KIAA0930: variants seen among roughly 807,000 people sequenced by gnomAD.
KIAA0930 encodes uncharacterized protein KIAA0930.
In KIAA0930, 24 loss-of-function variants were observed where a neutral mutation model predicts 43.9. That is an observed-to-expected ratio of 0.55 (90% confidence interval 0.40 to 0.77). The LOEUF is 0.77. Ranked by LOEUF, KIAA0930 falls within the 30% of genes least tolerant of loss-of-function variation. The pLI is 0.00. For missense variants in KIAA0930, 461 were observed against 574.2 expected (o/e 0.80, Z 2.02); for synonymous variants, 259 against 216.4 (o/e 1.20, Z -1.73).
chr22:45,209,594 T>TCACCTTCTGCACTCCCCC (rs2083674582), intron 2 of KIAA0930, among the ~76,000 whole-genome samples: 1 of 152,062 alleles, frequency 6.6e-6, no homozygotes. Context: ...CCGCCAGATG[T>TCACCTTCTGCACTCCCCC]CACCTTCTGC....
intron 1 of KIAA0930, among the ~76,000 whole-genome samples, chr22:45,238,217 C>A (rs778652319): frequency 6.6e-6 from 1 of 152,162 alleles, no homozygotes; most frequent in Non-Finnish European, 1.5e-5. Context: ...TGAGCCACCA[C>A]GCCCGGCCAA....
Position 45,200,007 on chromosome 22 carries a change from G to A in KIAA0930, c.881C>T (p.Pro294Leu). The A allele has an allele frequency of 6.2e-7, 1 of 1,600,578 alleles. No homozygotes were observed. Among genetic ancestry groups the A allele is most frequent in the Non-Finnish European group, 8.5e-7 (1 of 1,173,666 alleles). The stretch of plus-strand genomic sequence containing the variant: ...GAAGGCAGGCCGGTTGTTCCGTTCT[G>A]GGGTGGGGGGTGTGCTGAAGGAGGT... Reference protein sequence around the residue: ...RVTSFSTPPTPERNNRPAFFS... With the variant: ...RVTSFSTPPTLERNNRPAFFS... Residue 294 changes from proline to leucine, a missense_variant, in exon 8 of 10, where the codon CCA (proline) becomes CTA (leucine). Pro to Leu is a moderately conservative substitution (Grantham distance 98). Transcript: ENST00000336156.
In KIAA0930 at chr22:45,240,665, G is replaced by A; in HGVS notation, c.39C>T (p.Ser13=). The A allele has an allele frequency of 2.0e-6, 3 of 1,524,782 alleles. No individual in the cohort carries two copies. Among genetic ancestry groups the A allele is most frequent in the Non-Finnish European group, 2.6e-6 (3 of 1,142,422 alleles). The allele number at this position is 1,524,782 out of a possible 1,614,324, so 94.5% of individuals were successfully genotyped here. A position where few individuals can be genotyped will look rare whatever the true frequency, so the allele number is the denominator to read the frequency against. The change falls in exon 1 of 10, where the codon AGC becomes AGT. Residue 13 remains serine, a synonymous_variant. Coordinates refer to ENST00000336156, the MANE Select transcript of KIAA0930 (RefSeq NM_001009880.2). ...CGAGGCCGCAGACCTCGCGGCGCAGGCTAAGACGGCCGCGCTCCTCCGCTA... is the reference window on the plus strand; with the variant it reads ...CGAGGCCGCAGACCTCGCGGCGCAGACTAAGACGGCCGCGCTCCTCCGCTA... ...RAIAEERGRL[S]LRREVCGLGC...
chr22:45,206,699 CA>C (rs965986873), intron 2 of KIAA0930, among the ~76,000 whole-genome samples: 4 of 89,148 alleles, frequency 4.5e-5, no homozygotes, highest in Non-Finnish European at 7.6e-5. Context: ...GACTGGCTTC[CA>C]ATTTTTTTTT....
intron 1 of KIAA0930, among the ~76,000 whole-genome samples, chr22:45,230,651 G>C (rs1001560488): frequency 1.0e-4 from 15 of 147,052 alleles, no homozygotes; most frequent in Non-Finnish European, 1.3e-4. Flanking sequence ...GCGCAATCTT[G>C]GTTCACTGCA....
At chr22:45,229,262 T>C (rs62231114) in intron 1 of KIAA0930, among the ~76,000 whole-genome samples, 784 of 6,884 alleles carry the variant, frequency 0.11, 67 homozygotes, top group East Asian at 0.31. Context: ...CACCACTCAC[T>C]TGAGAGATCC....
intron 1 of KIAA0930, among the ~76,000 whole-genome samples, chr22:45,216,380 C>T (rs1450599684): frequency 6.6e-6 from 1 of 151,800 alleles, no homozygotes; most frequent in Non-Finnish European, 1.5e-5. Flanking sequence ...GCTGGCTGCA[C>T]GGCTCCAGCT....
At position 45,205,615 on chromosome 22, in the gene KIAA0930, C is replaced by T. The variant is rs368584437; in HGVS notation, c.414+15G>A. 1.4e-4 allele frequency: 220 copies of T among 1,613,118 alleles called. No individual in the cohort carries two copies. The South Asian group carries it at 1.6e-3, about 12-fold the overall frequency. On this transcript the variant is annotated intron_variant, in intron 4 of 9. Transcript: ENST00000336156. ...TGGCAGTTAGGAGGCTGGGGGCTCT[C>T]GTGCCAGGGCTCACCTGAGATTTCT...
chr22:45,193,721 CAT>C lies in KIAA0930; in HGVS notation c.*3453_*3454del, dbSNP rs1359531569. On this transcript the variant is annotated 3_prime_UTR_variant, in exon 10 of 10. Coordinates refer to ENST00000336156, the MANE Select transcript of KIAA0930 (RefSeq NM_001009880.2). ...TGTTCTCTTCTGACTACCTGTCACT[CAT>C]GTTTTAAATAATCTTCTTTTGAAAT... is the stretch of plus-strand genomic sequence containing the variant. The C allele has an allele frequency of 3.9e-5, 6 of 152,312 alleles. No homozygotes were observed. Among genetic ancestry groups the C allele is most frequent in the South Asian group, 2.1e-4 (1 of 4,824 alleles). The allele number at this position is 152,312 out of a possible 1,614,324, so 9.4% of individuals were successfully genotyped here.
rs1261287636 is a variant in KIAA0930 at position 45,216,827 on chromosome 22, T to TA, written c.65-4721dup. Among the ~76,000 whole-genome samples, 5 of 152,242 alleles carry TA rather than the reference T, an allele frequency of 3.3e-5. No homozygotes were observed. In the South Asian group the frequency reaches 1.0e-3, roughly 32 times the overall value. On this transcript the variant is annotated intron_variant, in intron 1 of 9. Coordinates refer to ENST00000336156, the MANE Select transcript of KIAA0930 (RefSeq NM_001009880.2). ...GTGGCCCCGAAAGCTGAGCCAGGCT[T>TA]ACGGTGGTAGCACCTCGGACAGCTC...
chr22:45,194,082 T>C lies in KIAA0930; in HGVS notation c.*3094A>G, dbSNP rs976235131. 3 of 91,390 alleles carry C rather than the reference T, an allele frequency of 3.3e-5. No individual in the cohort carries two copies. Among genetic ancestry groups the C allele is most frequent in the Non-Finnish European group, 6.5e-5 (3 of 46,102 alleles). The allele number at this position is 91,390 out of a possible 1,614,324, so 5.7% of individuals were successfully genotyped here. On this transcript the variant is annotated 3_prime_UTR_variant, in exon 10 of 10. Transcript: ENST00000336156. ...TTTTTTTTTTTTTTTTTTTTTTTTTTTTTTTTTTTGAGACAGAGTTTCGCT... is the reference window on the plus strand; with the variant it reads ...TTTTTTTTTTTTTTTTTTTTTTTTTCTTTTTTTTTGAGACAGAGTTTCGCT...
At chr22:45,234,999 CT>C (rs3215445) in intron 1 of KIAA0930, among the ~76,000 whole-genome samples, 46,575 of 151,348 alleles carry the variant, frequency 0.31, 7,998 homozygotes, top group African/African-American at 0.44. Context: ...GTGCATGTGA[CT>C]TTTTTTTTAA....
chr22:45,234,937 C>T (rs1406464334), intron 1 of KIAA0930, among the ~76,000 whole-genome samples: 1 of 152,114 alleles, frequency 6.6e-6, no homozygotes, highest in African/African-American at 2.4e-5. Flanking sequence ...TGGTGTGTCT[C>T]TGGGTAATTG....
At chr22:45,223,045 G>T (rs979627972) in intron 1 of KIAA0930, among the ~76,000 whole-genome samples, 2 of 152,100 alleles carry the variant, frequency 1.3e-5, no homozygotes, top group African/African-American at 4.8e-5. Flanking sequence ...CTGACCCAGC[G>T]ATCCCACAGA....
chr22:45,199,826 A>G lies in KIAA0930; in HGVS notation c.1015+47T>C, dbSNP rs143564068. 2,142 of 1,449,846 alleles carry G rather than the reference A, an allele frequency of 1.5e-3. 25 individuals are homozygous for G. In the African/African-American group the frequency reaches 0.028, roughly 19 times the overall value. 89.8% of individuals were successfully genotyped at this position (1,449,846 alleles called of 1,614,324 possible). Reference sequence around the variant, plus strand: ...AATGAATGACTGGTCTGGATCAAGAAGAGACTGAAGGGCACGGGGACCCTA... The same window carrying G: ...AATGAATGACTGGTCTGGATCAAGAGGAGACTGAAGGGCACGGGGACCCTA... On this transcript the variant is annotated intron_variant, in intron 8 of 9. Transcript: ENST00000336156.
At chr22:45,201,101 A>G in intron 7 of KIAA0930, 1 of 455,976 alleles carries the variant, frequency 2.2e-6, no homozygotes, top group Non-Finnish European at 4.5e-6. Context: ...CACGGCTCCG[A>G]CATCCACCAA....
Position 45,205,666 on chromosome 22 carries a change from G to A in KIAA0930, c.378C>T (p.Asp126=), listed in dbSNP as rs201420235. Residue 126 remains aspartate (D), a synonymous_variant, in exon 4 of 10, where the codon GAC becomes GAT. Coordinates refer to ENST00000336156, the MANE Select transcript of KIAA0930 (RefSeq NM_001009880.2). The part of the protein sequence containing the change: ...MVTCAVCTRA[D]GGDIHIHKKK... ...TCTTATGGATGTGAATGTCCCCGCC[G>A]TCAGCACGTGTGCACACCGCACAGG... 11 of 1,614,104 alleles carry A rather than the reference G, an allele frequency of 6.8e-6. No individual in the cohort carries two copies. The highest frequency in any genetic ancestry group is 2.2e-5 in the South Asian group (2 of 91,084).
At chr22:45,215,440 C>T (rs943975021) in intron 1 of KIAA0930, among the ~76,000 whole-genome samples, 4 of 152,042 alleles carry the variant, frequency 2.6e-5, no homozygotes, top group African/African-American at 9.7e-5. Context: ...CGGCAGAGTA[C>T]AAAATTAAAG....
At chr22:45,205,770 G>GCGGGGGCCC in intron 3 of KIAA0930, 23 bp downstream of exon 3, 1 of 1,523,786 alleles carries the variant, frequency 6.6e-7, no homozygotes, top group Non-Finnish European at 9.1e-7. Flanking sequence ...CCAATCCGCA[G>GCGGGGGCCC]CCCCACCCAT....
Sources: gnomAD v4.1 joint callset for allele counts (sites outside exome capture counted in the v4.1 genomes callset) on GRCh38, gnomAD v4.1.1 for gene constraint, MANE v1.5 for transcripts, NCBI Gene and HGNC (gene_info 2026-07-23, HGNC 2026-07-21) for gene names.